Variants in RANBP2 observed in about 807,000 individuals in gnomAD.
The protein encoded by RANBP2 is E3 SUMO-protein ligase RanBP2.
RANBP2 carries 57 observed loss-of-function variants against 303.6 expected under a neutral mutation model. That is an observed-to-expected ratio of 0.19 (90% CI 0.15 to 0.23). The LOEUF (loss-of-function observed/expected upper bound fraction) is 0.23. Ranked by LOEUF, RANBP2 falls within the 10% of genes least tolerant of loss-of-function variation. RANBP2 has a pLI of 1.00. For synonymous variants in RANBP2, 1,167 were observed against 1,301.5 expected, an observed-to-expected ratio of 0.90 and a Z score of 2.23; for missense variants, 3,138 against 3,780.8, an observed-to-expected ratio of 0.83 and a Z score of 4.46.
chr2:109,507,296 TGGAATCGGTCA>T, the RANBP2 span, among the ~76,000 whole-genome samples: 19 of 152,182 alleles, frequency 1.2e-4, no homozygotes, highest in Non-Finnish European at 2.4e-4. Context: ...GGGACCGTCT[TGGAATCGGTCA>T]GGACCTTCTA....
the RANBP2 span, among the ~76,000 whole-genome samples, chr2:109,349,929 C>T: frequency 4.6e-5 from 7 of 152,338 alleles, no homozygotes; most frequent in Admixed American, 1.3e-4. Context: ...AGAAACATAC[C>T]GGGCCCTGAC....
chr2:108,967,483 C>G, the RANBP2 span, among the ~76,000 whole-genome samples: 1 of 152,094 alleles, frequency 6.6e-6, no homozygotes, highest in Non-Finnish European at 1.5e-5. Flanking sequence ...GTTTACGGGT[C>G]TCCTACTTGT....
chr2:109,119,100 A>G, the RANBP2 span, among the ~76,000 whole-genome samples: 1 of 152,248 alleles, frequency 6.6e-6, no homozygotes, highest in Non-Finnish European at 1.5e-5. Flanking sequence ...TTCAAGAAAT[A>G]TCTGAGAGCT....
chr2:109,269,528 C>T, the RANBP2 span, among the ~76,000 whole-genome samples: 2 of 152,204 alleles, frequency 1.3e-5, no homozygotes, highest in South Asian at 4.1e-4. Flanking sequence ...TGCCTGTAAT[C>T]CCAGCACTTT....
chr2:109,641,133 A>ATTTG, the RANBP2 span, among the ~76,000 whole-genome samples: 58,086 of 151,034 alleles, frequency 0.38, 12,002 homozygotes, highest in Middle Eastern at 0.57. Flanking sequence ...GGTTTTATTT[A>ATTTG]TTTGTTTGTT....
the RANBP2 span, among the ~76,000 whole-genome samples, chr2:109,294,308 C>G: frequency 1.3e-5 from 2 of 152,006 alleles, no homozygotes; most frequent in Non-Finnish European, 2.9e-5. Context: ...TGCCTGTAAT[C>G]CCAGCACTTT....
chr2:109,672,006 C>T, the RANBP2 span, among the ~76,000 whole-genome samples: 1 of 148,644 alleles, frequency 6.7e-6, no homozygotes, highest in Non-Finnish European at 1.5e-5. Context: ...TATACTTTCT[C>T]CTCCTCCTCC....
the RANBP2 span, among the ~76,000 whole-genome samples, chr2:109,602,045 C>G: frequency 6.6e-6 from 1 of 152,128 alleles, no homozygotes; most frequent in South Asian, 2.1e-4. Flanking sequence ...TTCAAGTTGT[C>G]TAACAGAGAA....
At chr2:109,352,023 GA>G in the RANBP2 span, among the ~76,000 whole-genome samples, 1 of 152,250 alleles carries the variant, frequency 6.6e-6, no homozygotes, top group Non-Finnish European at 1.5e-5. Flanking sequence ...GCTCTAGCAT[GA>G]GGTAGACACA....
At chr2:109,524,477 C>G in the RANBP2 span, among the ~76,000 whole-genome samples, 1 of 127,280 alleles carries the variant, frequency 7.9e-6, no homozygotes, top group Non-Finnish European at 1.5e-5. Flanking sequence ...CAAAACAACA[C>G]TGGGCGCGAT....
the RANBP2 span, among the ~76,000 whole-genome samples, chr2:109,280,974 G>A: frequency 2.6e-5 from 4 of 152,220 alleles, no homozygotes; most frequent in African/African-American, 9.6e-5. Context: ...CAGTGGTGAT[G>A]CAGAACACAC....
chr2:109,094,947 T>C, the RANBP2 span, among the ~76,000 whole-genome samples: 1 of 152,252 alleles, frequency 6.6e-6, no homozygotes, highest in African/African-American at 2.4e-5. Context: ...CACGTGACTT[T>C]AGTAATCTTT....
chr2:108,730,711 C>T (rs1317658576), intron 2 of RANBP2, 63 bp from the exon 3 acceptor site: 28 of 1,568,218 alleles, frequency 1.8e-5, no homozygotes, highest in Non-Finnish European at 2.3e-5. Context: ...ATGTATTCTT[C>T]GGTTAGCATT....
chr2:109,581,268 C>T, the RANBP2 span, among the ~76,000 whole-genome samples: 11 of 151,846 alleles, frequency 7.2e-5, no homozygotes, highest in Non-Finnish European at 1.6e-4. Flanking sequence ...GGTGAAACCC[C>T]GTCTCTACTT....
the RANBP2 span, among the ~76,000 whole-genome samples, chr2:109,747,993 AT>A: frequency 1.2e-5 from 1 of 86,710 alleles, no homozygotes; most frequent in Non-Finnish European, 2.3e-5. Flanking sequence ...GGAATTTTAA[AT>A]TTTTTAACAT....
the RANBP2 span, among the ~76,000 whole-genome samples, chr2:109,520,910 TAG>T: frequency 2.2e-5 from 2 of 92,644 alleles, no homozygotes; most frequent in Non-Finnish European, 5.7e-5. Flanking sequence ...CTATCTAGCC[TAG>T]GTGACAGAGC....
the RANBP2 span, among the ~76,000 whole-genome samples, chr2:109,243,669 G>A: frequency 6.6e-6 from 1 of 152,234 alleles, no homozygotes; most frequent in Admixed American, 6.5e-5. Context: ...GAAGGGGCCA[G>A]GGAGGCAAAG....
the RANBP2 span, among the ~76,000 whole-genome samples, chr2:109,452,882 C>T: frequency 7.3e-6 from 1 of 136,560 alleles, no homozygotes; most frequent in Middle Eastern, 4.2e-3. Context: ...TGCCAGGAGG[C>T]TGGTCCCAGG....
chr2:108,949,102 T>C, the RANBP2 span, among the ~76,000 whole-genome samples: 2 of 152,176 alleles, frequency 1.3e-5, no homozygotes, highest in African/African-American at 4.8e-5. Context: ...CTCAGCCTCC[T>C]GAGTAGCTGG....
Sources: gnomAD v4.1 joint callset for allele counts (sites outside exome capture counted in the v4.1 genomes callset) on GRCh38, gnomAD v4.1.1 for gene constraint, MANE v1.5 for transcripts, NCBI Gene and HGNC (gene_info 2026-07-23, HGNC 2026-07-21) for gene names.